The following PGCKA1 variants were observed in gnomAD, a reference collection of about 807,000 sequenced individuals.
The protein encoded by PGCKA1 is PDCD10 and GCKIII kinases associated 1.
At chr4:37,469,229 C>T in the PGCKA1 span, among the ~76,000 whole-genome samples, 30 of 152,190 alleles carry the variant, frequency 2.0e-4, 3 homozygotes, top group African/African-American at 7.2e-4. Context: ...AATCACCTAG[C>T]GACACCTTTC....
At chr4:37,528,296 A>G in the PGCKA1 span, among the ~76,000 whole-genome samples, 1 of 152,182 alleles carries the variant, frequency 6.6e-6, no homozygotes, top group Admixed American at 6.5e-5. Context: ...TCCAGCTCCT[A>G]CTATTTAATA....
the PGCKA1 span, among the ~76,000 whole-genome samples, chr4:37,455,065 A>C: frequency 1.8e-4 from 28 of 152,346 alleles, no homozygotes; most frequent in East Asian, 4.6e-3. Context: ...TGGTGGTTGC[A>C]ATCAAGCAAG....
the PGCKA1 span, among the ~76,000 whole-genome samples, chr4:37,572,056 T>G: frequency 8.7e-6 from 1 of 115,106 alleles, no homozygotes; most frequent in Non-Finnish European, 1.8e-5. Context: ...ACCTTTTTTT[T>G]TTTTTTCTTT....
the PGCKA1 span, among the ~76,000 whole-genome samples, chr4:37,509,702 T>G: frequency 6.6e-6 from 1 of 151,388 alleles, no homozygotes; most frequent in Non-Finnish European, 1.5e-5. Flanking sequence ...AGACTCCATC[T>G]GCAATCCCAG....
the PGCKA1 span, among the ~76,000 whole-genome samples, chr4:37,500,337 CA>C: frequency 6.6e-6 from 1 of 152,206 alleles, no homozygotes; most frequent in African/African-American, 2.4e-5. Context: ...TCATCAGTTT[CA>C]AAGAGCTTCT....
At chr4:37,483,079 GGGGGCAGTT>G in the PGCKA1 span, among the ~76,000 whole-genome samples, 246 of 152,204 alleles carry the variant, frequency 1.6e-3, 1 homozygote, top group South Asian at 5.0e-3. Flanking sequence ...ATTGAATCAT[GGGGGCAGTT>G]TCCCCATGCT....
At chr4:37,497,229 C>T in the PGCKA1 span, among the ~76,000 whole-genome samples, 2 of 152,164 alleles carry the variant, frequency 1.3e-5, no homozygotes, top group Non-Finnish European at 2.9e-5. Flanking sequence ...TACTAGTCTC[C>T]AGTCTCATCC....
the PGCKA1 span, among the ~76,000 whole-genome samples, chr4:37,585,006 G>GTT: frequency 0.021 from 2,620 of 123,554 alleles, 86 homozygotes; most frequent in Admixed American, 0.091. Flanking sequence ...TCTTTGACTT[G>GTT]TTTTTTTTTT....
the PGCKA1 span, among the ~76,000 whole-genome samples, chr4:37,472,813 A>G: frequency 6.6e-6 from 1 of 152,038 alleles, no homozygotes; most frequent in Admixed American, 6.6e-5. Flanking sequence ...TTTTTCTATC[A>G]TCTATTATCA....
At chr4:37,479,949 G>A in the PGCKA1 span, among the ~76,000 whole-genome samples, 2 of 152,154 alleles carry the variant, frequency 1.3e-5, no homozygotes, top group Non-Finnish European at 2.9e-5. Context: ...AGGCAATTTG[G>A]TCATTTTGGT....
the PGCKA1 span, among the ~76,000 whole-genome samples, chr4:37,541,369 C>A: frequency 6.6e-6 from 1 of 152,146 alleles, no homozygotes; most frequent in Non-Finnish European, 1.5e-5. Flanking sequence ...ATGCTGGTGC[C>A]CTTTTCCCTT....
chr4:37,480,929 C>T, the PGCKA1 span, among the ~76,000 whole-genome samples: 1 of 152,210 alleles, frequency 6.6e-6, no homozygotes, highest in Admixed American at 6.5e-5. Context: ...TGATGATGCT[C>T]CTGCTCTGTC....
At chr4:37,546,408 T>C in the PGCKA1 span, among the ~76,000 whole-genome samples, 2 of 152,200 alleles carry the variant, frequency 1.3e-5, no homozygotes, top group Non-Finnish European at 1.5e-5. Context: ...TGGAAGAACA[T>C]TGTGAAACTC....
At chr4:37,551,645 A>G in the PGCKA1 span, among the ~76,000 whole-genome samples, 23 of 152,260 alleles carry the variant, frequency 1.5e-4, no homozygotes, top group Admixed American at 6.5e-4. Flanking sequence ...ACTCAAAGAC[A>G]TAGTTAGAAA....
At chr4:37,509,508 T>G in the PGCKA1 span, among the ~76,000 whole-genome samples, 1 of 150,196 alleles carries the variant, frequency 6.7e-6, no homozygotes, top group Non-Finnish European at 1.5e-5. Flanking sequence ...CGCTCCTCAC[T>G]TCCCAGATGA....
At chr4:37,546,826 G>A in the PGCKA1 span, among the ~76,000 whole-genome samples, 1 of 152,244 alleles carries the variant, frequency 6.6e-6, no homozygotes, top group African/African-American at 2.4e-5. Context: ...CAATTGCCCC[G>A]GTGGAACGCC....
the PGCKA1 span, among the ~76,000 whole-genome samples, chr4:37,537,909 G>C: frequency 6.6e-6 from 1 of 152,150 alleles, no homozygotes; most frequent in Non-Finnish European, 1.5e-5. Flanking sequence ...ATTTCACACA[G>C]AGTTGCTGGG....
chr4:37,528,789 T>C, the PGCKA1 span, among the ~76,000 whole-genome samples: 1 of 152,164 alleles, frequency 6.6e-6, no homozygotes, highest in Non-Finnish European at 1.5e-5. Context: ...CCTTCCAAAT[T>C]CACATACAAT....
the PGCKA1 span, among the ~76,000 whole-genome samples, chr4:37,454,541 C>G: frequency 1.3e-3 from 197 of 152,172 alleles, no homozygotes; most frequent in Non-Finnish European, 2.5e-3. Context: ...ATTTGCCCCC[C>G]AGGGGTGCTG....
Sources: gnomAD v4.1 joint callset for allele counts (sites outside exome capture counted in the v4.1 genomes callset) on GRCh38, gnomAD v4.1.1 for gene constraint, MANE v1.5 for transcripts, NCBI Gene and HGNC (gene_info 2026-07-23, HGNC 2026-07-21) for gene names.